The following RBFOX1 variants were observed in gnomAD, a reference collection of about 807,000 sequenced individuals.
RBFOX1 encodes RNA binding fox-1 homolog 1, also known as RNA binding protein fox-1 homolog 1.
In RBFOX1, 8 loss-of-function variants were observed where a neutral mutation model predicts 57.7. The observed-to-expected ratio is 0.14, with a 90% confidence interval of 0.08 to 0.25. The LOEUF (loss-of-function observed/expected upper bound fraction) is 0.25. Ranked by LOEUF, RBFOX1 falls within the 10% of genes least tolerant of loss-of-function variation. RBFOX1 has a pLI of 1.00. For synonymous variants in RBFOX1, 326 were observed against 222.4 expected (o/e 1.47, Z -4.15); for missense variants, 611 against 548.5 (o/e 1.11, Z -1.14).
At chr16:6,317,584 A>G (rs527780748) in intron 2 of RBFOX1, among the ~76,000 whole-genome samples, 3 of 152,276 alleles carry the variant, frequency 2.0e-5, no homozygotes, top group African/African-American at 7.2e-5. Context: ...GCTGGGGTAC[A>G]TTATAGAAAT....
At chr16:6,894,070 G>C (rs1356007147) in intron 3 of RBFOX1, among the ~76,000 whole-genome samples, 1 of 152,074 alleles carries the variant, frequency 6.6e-6, no homozygotes, top group Non-Finnish European at 1.5e-5. Flanking sequence ...TGGATCAATA[G>C]ATAGATACTG....
chr16:7,528,707 T>C (rs2079260954), intron 5 of RBFOX1, among the ~76,000 whole-genome samples: 1 of 152,150 alleles, frequency 6.6e-6, no homozygotes, highest in Non-Finnish European at 1.5e-5. Context: ...TGGGCAGTAT[T>C]TGGGTCATGC....
intron 3 of RBFOX1, among the ~76,000 whole-genome samples, chr16:6,855,487 T>C (rs2057675722): frequency 6.6e-6 from 1 of 151,790 alleles, no homozygotes; most frequent in Non-Finnish European, 1.5e-5. Flanking sequence ...CCGTCTCTAC[T>C]AAAAATACAG....
At chr16:5,254,003 C>T (rs1174483665) in intron 1 of RBFOX1, among the ~76,000 whole-genome samples, 1 of 152,160 alleles carries the variant, frequency 6.6e-6, no homozygotes, top group East Asian at 1.9e-4. Context: ...AGCTCAGGTA[C>T]AGCTTCCTAC....
intron 2 of RBFOX1, among the ~76,000 whole-genome samples, chr16:6,344,422 G>A (rs563128395): frequency 4.0e-5 from 1 of 25,180 alleles, no homozygotes; most frequent in East Asian, 4.7e-4. Context: ...TTTTTTTTGA[G>A]ACAGAGTCTC....
chr16:5,593,970 G>C (rs964157565), intron 2 of RBFOX1, among the ~76,000 whole-genome samples: 1 of 152,020 alleles, frequency 6.6e-6, no homozygotes, highest in Non-Finnish European at 1.5e-5. Flanking sequence ...GTAGGAACCC[G>C]TGATACACCA....
At chr16:6,193,356 T>TTATA (rs61247347) in intron 1 of RBFOX1, among the ~76,000 whole-genome samples, 28 of 64,588 alleles carry the variant, frequency 4.3e-4, no homozygotes, top group African/African-American at 8.7e-4. Context: ...TATATATACA[T>TTATA]TATATATATA....
intron 4 of RBFOX1, among the ~76,000 whole-genome samples, chr16:7,293,299 G>T (rs1030619201): frequency 6.6e-6 from 1 of 152,148 alleles, no homozygotes; most frequent in Non-Finnish European, 1.5e-5. Flanking sequence ...ATGATTTAAA[G>T]TATACAGGAG....
intron 3 of RBFOX1, among the ~76,000 whole-genome samples, chr16:5,808,107 A>G (rs7203505): frequency 0.68 from 103,355 of 152,090 alleles, 35,651 homozygotes; most frequent in African/African-American, 0.81. Flanking sequence ...CTCCTGGTAT[A>G]TCAGAATGTG....
At chr16:6,557,724 T>C (rs1185828119) in intron 2 of RBFOX1, among the ~76,000 whole-genome samples, 1 of 152,218 alleles carries the variant, frequency 6.6e-6, no homozygotes, top group African/African-American at 2.4e-5. Context: ...TGCATAAGCA[T>C]TTTCCTTCTT....
chr16:6,847,694 G>C (rs745723872), intron 3 of RBFOX1, among the ~76,000 whole-genome samples: 1 of 152,128 alleles, frequency 6.6e-6, no homozygotes, highest in African/African-American at 2.4e-5. Context: ...TTATTTGACA[G>C]TGATCGTCAG....
intron 1 of RBFOX1, among the ~76,000 whole-genome samples, chr16:6,282,355 G>GTTTTTTTTT (rs151272388): frequency 8.0e-5 from 10 of 125,248 alleles, no homozygotes; most frequent in Non-Finnish European, 8.5e-5. Flanking sequence ...TACCTTGTCT[G>GTTTTTTTTT]TTTTTTTTTT....
chr16:6,902,235 G>A (rs1175711344), intron 3 of RBFOX1, among the ~76,000 whole-genome samples: 2 of 152,112 alleles, frequency 1.3e-5, no homozygotes, highest in Non-Finnish European at 2.9e-5. Context: ...GGAATTACAT[G>A]TAACTCACAG....
intron 4 of RBFOX1, among the ~76,000 whole-genome samples, chr16:5,981,586 A>T (rs1022946039): frequency 2.0e-5 from 3 of 152,096 alleles, no homozygotes; most frequent in African/African-American, 7.2e-5. Flanking sequence ...CTCCTGCTTC[A>T]GCCTCATGAG....
At chr16:5,678,578 C>T (rs559114184) in intron 3 of RBFOX1, among the ~76,000 whole-genome samples, 8 of 152,222 alleles carry the variant, frequency 5.3e-5, no homozygotes, top group Admixed American at 3.9e-4. Flanking sequence ...TGGATGGTTA[C>T]GTGGTTAATC....
chr16:6,660,335 C>G (rs1049579217), intron 3 of RBFOX1, among the ~76,000 whole-genome samples: 2 of 152,088 alleles, frequency 1.3e-5, no homozygotes, highest in South Asian at 2.1e-4. Flanking sequence ...CAGCCAACCA[C>G]TATGACACAC....
In RBFOX1 at chr16:6,060,122, G is replaced by GTTTTTTTTTTTTTTT. The variant is rs199690584; in HGVS notation, c.-127+40152_-127+40166dup. Among the ~76,000 whole-genome samples the GTTTTTTTTTTTTTTT allele has an allele frequency of 2.5e-4, 28 of 114,196 alleles. 2 individuals carry two copies. The highest frequency in any genetic ancestry group is 4.3e-4 in the African/African-American group (12 of 27,752). The allele number at this position is 114,196 out of a possible 152,430, so 74.9% of individuals were successfully genotyped here. On this transcript the variant is annotated intron_variant, in intron 1 of 15. Coordinates refer to ENST00000550418, the MANE Select transcript of RBFOX1 (RefSeq NM_018723.4). ...ATTTGGCCCTAAAATTAGGATTAGG[G>GTTTTTTTTTTTTTTT]TTTTTTTTTTTTTTTTTTTTTTTTT...
chr16:6,271,659 A>G (rs1187530658), intron 1 of RBFOX1, among the ~76,000 whole-genome samples: 2 of 152,200 alleles, frequency 1.3e-5, no homozygotes, highest in Admixed American at 1.3e-4. Context: ...TAGTAAGGGA[A>G]TACCGTAAAT....
chr16:7,136,069 C>T (rs751319778), intron 4 of RBFOX1, among the ~76,000 whole-genome samples: 4 of 152,172 alleles, frequency 2.6e-5, no homozygotes, highest in African/African-American at 9.7e-5. Context: ...TGTAACTGAG[C>T]AGAGTGAAAG....
Sources: allele counts gnomAD v4.1 joint callset (sites outside exome capture counted in the v4.1 genomes callset), GRCh38; gene constraint gnomAD v4.1.1; transcripts MANE v1.5; gene names NCBI Gene and HGNC (gene_info 2026-07-23, HGNC 2026-07-21).